The following SCHIP1 variants were observed in gnomAD, a reference collection of about 807,000 sequenced individuals.
SCHIP1 encodes the protein schwannomin-interacting protein 1.
Under a neutral mutation model 29.7 loss-of-function variants are expected in SCHIP1, and 8 were observed. The ratio of observed to expected loss-of-function variants is 0.27; its 90% CI spans 0.16 to 0.49. The LOEUF (loss-of-function observed/expected upper bound fraction) is 0.49. Ranked by LOEUF, SCHIP1 falls within the 20% of genes least tolerant of loss-of-function variation. The pLI is 0.99. For missense variants in SCHIP1, 193 were observed against 294.6 expected (o/e 0.66, Z 2.52); for synonymous variants, 76 against 94.9 (o/e 0.80, Z 1.16).
At chr3:159,598,610 G>A in the SCHIP1 span, among the ~76,000 whole-genome samples, 4 of 152,136 alleles carry the variant, frequency 2.6e-5, no homozygotes, top group Non-Finnish European at 5.9e-5. Flanking sequence ...ATTTTAGCAG[G>A]TACAGCCCCT....
At chr3:159,845,424 A>G (rs935411383) in intron 1 of SCHIP1, 55 of 146,150 alleles carry the variant, frequency 3.8e-4, no homozygotes, top group African/African-American at 1.4e-3. Flanking sequence ...TCCGTTGCCC[A>G]GGCTGGTGTG....
chr3:159,659,832 A>T, the SCHIP1 span, among the ~76,000 whole-genome samples: 2 of 152,220 alleles, frequency 1.3e-5, no homozygotes, highest in Non-Finnish European at 2.9e-5. Flanking sequence ...AATAATTCAA[A>T]TAAGACACCG....
chr3:159,686,641 G>A, the SCHIP1 span, among the ~76,000 whole-genome samples: 1 of 152,104 alleles, frequency 6.6e-6, no homozygotes, highest in Non-Finnish European at 1.5e-5. Context: ...AAATGTCAAA[G>A]CAATTCTTAA....
chr3:159,453,070 T>A, the SCHIP1 span, among the ~76,000 whole-genome samples: 5 of 152,170 alleles, frequency 3.3e-5, no homozygotes, highest in Non-Finnish European at 7.3e-5. Context: ...ATCCCAACAG[T>A]GTCAGGATCC....
At chr3:159,768,989 T>G in the SCHIP1 span, among the ~76,000 whole-genome samples, 17 of 152,212 alleles carry the variant, frequency 1.1e-4, no homozygotes, top group African/African-American at 4.1e-4. Context: ...TTCCGTCTTG[T>G]GCGTGAACAC....
the SCHIP1 span, among the ~76,000 whole-genome samples, chr3:159,330,221 A>G: frequency 2.0e-5 from 3 of 152,168 alleles, no homozygotes; most frequent in African/African-American, 7.2e-5. Flanking sequence ...TGTAGACATC[A>G]AAGTATGTAT....
At chr3:159,734,684 T>C in the SCHIP1 span, among the ~76,000 whole-genome samples, 35 of 152,126 alleles carry the variant, frequency 2.3e-4, no homozygotes, top group African/African-American at 8.4e-4. Context: ...CAGTCTAAAC[T>C]TTAGCTTTCT....
the SCHIP1 span, among the ~76,000 whole-genome samples, chr3:159,508,831 G>T: frequency 6.6e-6 from 1 of 152,204 alleles, no homozygotes; most frequent in African/African-American, 2.4e-5. Context: ...TGGTCTGAGA[G>T]ACAGTTTGTT....
chr3:159,531,034 A>G, the SCHIP1 span, among the ~76,000 whole-genome samples: 40,073 of 152,058 alleles, frequency 0.26, 5,781 homozygotes, highest in East Asian at 0.41. Flanking sequence ...AATTGAACCT[A>G]TCTGTTTGTT....
chr3:159,881,400 G>T (rs1716425256), intron 2 of SCHIP1, among the ~76,000 whole-genome samples: 1 of 152,176 alleles, frequency 6.6e-6, no homozygotes, highest in Non-Finnish European at 1.5e-5. Context: ...TGGGGATATT[G>T]AGTAATGAAT....
chr3:159,380,172 GA>G, the SCHIP1 span, among the ~76,000 whole-genome samples: 1 of 152,068 alleles, frequency 6.6e-6, no homozygotes, highest in South Asian at 2.1e-4. Flanking sequence ...TTCTTTCATT[GA>G]AAAAACTTGA....
chr3:159,684,448 G>T, the SCHIP1 span, among the ~76,000 whole-genome samples: 4 of 152,088 alleles, frequency 2.6e-5, no homozygotes. Context: ...TCTTCTTTCA[G>T]TGGCATTAAC....
upstream of SCHIP1, among the ~76,000 whole-genome samples, chr3:159,839,142 A>G (rs1418897302): frequency 1.3e-5 from 2 of 151,920 alleles, no homozygotes; most frequent in Admixed American, 1.3e-4. Flanking sequence ...TCTGACTTGT[A>G]TTTCCTTTGA....
At chr3:159,296,421 T>C in the SCHIP1 span, among the ~76,000 whole-genome samples, 1 of 152,292 alleles carries the variant, frequency 6.6e-6, no homozygotes, top group East Asian at 1.9e-4. Context: ...ATTAACACAT[T>C]ACCACCCATA....
the SCHIP1 span, among the ~76,000 whole-genome samples, chr3:159,708,464 A>T: frequency 1.3e-5 from 2 of 152,298 alleles, no homozygotes; most frequent in East Asian, 3.9e-4. Context: ...GAAAAGAGAG[A>T]GGATGAATTT....
At chr3:159,587,214 G>C in the SCHIP1 span, among the ~76,000 whole-genome samples, 1 of 152,146 alleles carries the variant, frequency 6.6e-6, no homozygotes, top group Non-Finnish European at 1.5e-5. Context: ...TGATTCTGAT[G>C]CACAATCAAG....
chr3:159,509,181 G>C, the SCHIP1 span, among the ~76,000 whole-genome samples: 1 of 152,204 alleles, frequency 6.6e-6, no homozygotes, highest in African/African-American at 2.4e-5. Context: ...ATTTAGGATA[G>C]TTAGCTCTTC....
chr3:159,865,561 G>T (rs993225065), intron 1 of SCHIP1, among the ~76,000 whole-genome samples: 2 of 152,162 alleles, frequency 1.3e-5, no homozygotes, highest in Admixed American at 1.3e-4. Context: ...CTAAAACCTG[G>T]TGAGATGAGG....
chr3:159,894,871 C>T (rs181041558), intron 6 of SCHIP1: 33 of 152,224 alleles, frequency 2.2e-4, no homozygotes, highest in African/African-American at 7.7e-4. Context: ...TTATTTATGT[C>T]TCAAAAAATT....
Sources: gnomAD v4.1 joint callset for allele counts (sites outside exome capture counted in the v4.1 genomes callset) on GRCh38, gnomAD v4.1.1 for gene constraint, MANE v1.5 for transcripts, NCBI Gene and HGNC (gene_info 2026-07-23, HGNC 2026-07-21) for gene names.